The following THSD4 variants were observed in gnomAD, a reference collection of about 807,000 sequenced individuals.
THSD4 encodes the protein thrombospondin type 1 domain containing 4, also known as thrombospondin type-1 domain-containing protein 4.
In THSD4, 69 loss-of-function variants were observed where a neutral mutation model predicts 119.0. That is an observed-to-expected ratio of 0.58 (90% CI 0.48 to 0.71). The LOEUF is 0.71. Among genes scored for constraint, THSD4 ranks in the 30% least tolerant of loss-of-function variants. The pLI, the probability that THSD4 is intolerant of heterozygous loss-of-function variation, is 0.00. For missense variants in THSD4, 1,393 were observed against 1,391.1 expected, an observed-to-expected ratio of 1.00 and a Z score of -0.02; for synonymous variants, 524 against 540.4, an observed-to-expected ratio of 0.97 and a Z score of 0.42.
intron 8 of THSD4, among the ~76,000 whole-genome samples, chr15:71,704,918 T>C (rs944208224): frequency 2.0e-5 from 3 of 152,208 alleles, no homozygotes; most frequent in African/African-American, 7.2e-5. Flanking sequence ...CGGACTCTGA[T>C]GTAAAGTGTT....
At chr15:71,165,757 C>A (rs2043289166) in intron 3 of THSD4, among the ~76,000 whole-genome samples, 1 of 151,846 alleles carries the variant, frequency 6.6e-6, no homozygotes, top group Non-Finnish European at 1.5e-5. Context: ...GGTGGGGGTG[C>A]CAGGTTGGTT....
intron 7 of THSD4, among the ~76,000 whole-genome samples, chr15:71,438,088 C>G (rs2047039550): frequency 1.3e-5 from 2 of 152,290 alleles, no homozygotes; most frequent in African/African-American, 4.8e-5. Flanking sequence ...CCCTAAGCAC[C>G]TCCCCTACCC....
intron 7 of THSD4, among the ~76,000 whole-genome samples, chr15:71,485,429 A>C (rs535438295): frequency 6.6e-6 from 1 of 152,322 alleles, no homozygotes; most frequent in Non-Finnish European, 1.5e-5. Flanking sequence ...GTTCACCATC[A>C]TTGACTATTT....
intron 7 of THSD4, among the ~76,000 whole-genome samples, chr15:71,473,426 A>G (rs1046037844): frequency 4.6e-5 from 7 of 152,200 alleles, no homozygotes; most frequent in Non-Finnish European, 1.0e-4. Flanking sequence ...CCTTTTCTCC[A>G]GGCCATACCC....
chr15:71,758,533 T>C (rs2053582076), intron 15 of THSD4, among the ~76,000 whole-genome samples: 1 of 152,254 alleles, frequency 6.6e-6, no homozygotes, highest in Non-Finnish European at 1.5e-5. Flanking sequence ...GCAGAAATTT[T>C]AAAAGTTGGA....
rs1051493934 is a variant in THSD4, at chr15:71,607,806, A to G, written c.1153-52724A>G. 3.3e-5 allele frequency among the ~76,000 whole-genome samples: 5 copies of G among 152,194 alleles called. 1 individual carries two copies. The highest frequency in any genetic ancestry group is 7.4e-5 in the Non-Finnish European group (5 of 68,024). ...GCCTAGAATCTGGAGGAGAGCAAGA[A>G]GTGAGTAGAGTGTGCTCAGGGAGAG... On this transcript the variant is annotated intron_variant, in intron 7 of 17. Coordinates refer to ENST00000261862, the MANE Select transcript of THSD4 (RefSeq NM_024817.3).
chr15:71,428,366 G>A (rs983189000), intron 7 of THSD4, among the ~76,000 whole-genome samples: 12 of 152,074 alleles, frequency 7.9e-5, no homozygotes, highest in African/African-American at 2.9e-4. Flanking sequence ...TTTCCTTTTG[G>A]CCCCTGTGCA....
At chr15:71,424,466 G>A (rs960846295) in intron 7 of THSD4, among the ~76,000 whole-genome samples, 5 of 152,162 alleles carry the variant, frequency 3.3e-5, no homozygotes, top group Admixed American at 6.5e-5. Flanking sequence ...GAAAGGCCTC[G>A]AAGGGAAAGG....
intron 7 of THSD4, among the ~76,000 whole-genome samples, chr15:71,453,579 A>G (rs2140589932): frequency 6.6e-6 from 1 of 152,360 alleles, no homozygotes; most frequent in South Asian, 2.1e-4. Context: ...TTGGCGACTT[A>G]GATTTTGACA....
At chr15:71,576,750 T>C (rs1474060417) in intron 7 of THSD4, among the ~76,000 whole-genome samples, 3 of 152,222 alleles carry the variant, frequency 2.0e-5, no homozygotes, top group African/African-American at 7.2e-5. Context: ...CCTTTCTAAT[T>C]TCCTTTGAAT....
chr15:71,192,287 A>G (rs1439928734), intron 3 of THSD4, among the ~76,000 whole-genome samples: 1 of 150,386 alleles, frequency 6.6e-6, no homozygotes. Context: ...TGGTGGATTT[A>G]TTTATTTATT....
Position 71,765,168 on chromosome 15 carries a change from G to A in THSD4, c.2738G>A (p.Gly913Glu). The A allele has an allele frequency of 6.2e-7, 1 of 1,614,186 alleles. No homozygotes were observed. The highest frequency in any genetic ancestry group is 8.5e-7 in the Non-Finnish European group (1 of 1,180,028). ...SQQSCHLKPC[G>E]AKWFSTEWSM... ...CAATCCTGCCACCTCAAGCCTTGCG[G>A]AGCCAAATGGTTTAGCACCGAATGG... The change falls in exon 16 of 18, where the codon GGA becomes GAA. Residue 913 changes from glycine (G) to glutamate (E), a missense_variant. Coordinates refer to ENST00000261862, the MANE Select transcript of THSD4 (RefSeq NM_024817.3).
chr15:71,466,132 G>A (rs182310435), intron 7 of THSD4, among the ~76,000 whole-genome samples: 1 of 151,952 alleles, frequency 6.6e-6, no homozygotes, highest in African/African-American at 2.4e-5. Flanking sequence ...GGTGGATCAC[G>A]AGGTCAGGAG....
intron 1 of THSD4, among the ~76,000 whole-genome samples, chr15:71,116,673 A>G (rs1468787374): frequency 6.6e-6 from 1 of 152,186 alleles, no homozygotes; most frequent in Non-Finnish European, 1.5e-5. Context: ...TTGGAATTAG[A>G]GAAATAGATA....
intron 3 of THSD4, among the ~76,000 whole-genome samples, chr15:71,185,243 A>G (rs2043587343): frequency 1.3e-5 from 2 of 151,836 alleles, no homozygotes; most frequent in Admixed American, 1.3e-4. Context: ...TTAGGGTGGA[A>G]AAAGAGTTAT....
At chr15:71,388,527 G>A (rs1437198795) in intron 6 of THSD4, among the ~76,000 whole-genome samples, 2 of 152,098 alleles carry the variant, frequency 1.3e-5, no homozygotes, top group Non-Finnish European at 2.9e-5. Flanking sequence ...TTAGATGAAG[G>A]GGGGAAAAAT....
chr15:71,480,257 C>T (rs958678839), intron 7 of THSD4, among the ~76,000 whole-genome samples: 3 of 152,100 alleles, frequency 2.0e-5, no homozygotes, highest in Non-Finnish European at 4.4e-5. Context: ...ACGTTGGTCT[C>T]GAACTCCTGA....
chr15:71,120,439 A>G (rs1254103554), intron 1 of THSD4, among the ~76,000 whole-genome samples: 1 of 152,088 alleles, frequency 6.6e-6, no homozygotes, highest in Non-Finnish European at 1.5e-5. Context: ...GTGTCATCCC[A>G]GGCATTGGCG....
chr15:71,734,998 C>T (rs553901899), intron 10 of THSD4, among the ~76,000 whole-genome samples: 1 of 152,154 alleles, frequency 6.6e-6, no homozygotes, highest in Admixed American at 6.5e-5. Flanking sequence ...TTATTATTTT[C>T]CATTAGTCAG....
Sources: allele counts gnomAD v4.1 joint callset (sites outside exome capture counted in the v4.1 genomes callset), GRCh38; gene constraint gnomAD v4.1.1; transcripts MANE v1.5; gene names NCBI Gene and HGNC (gene_info 2026-07-23, HGNC 2026-07-21).